Variants in SYNE1 observed in about 807,000 individuals in gnomAD.
SYNE1 encodes the protein spectrin repeat containing nuclear envelope protein 1.
SYNE1 carries 616 observed loss-of-function variants against 1,111.0 expected under a neutral mutation model. The observed-to-expected ratio is 0.55, with a 90% CI of 0.52 to 0.59. The LOEUF (loss-of-function observed/expected upper bound fraction) is 0.59. Ranked by LOEUF, SYNE1 falls within the 20% of genes least tolerant of loss-of-function variation. The pLI is 0.00. For missense variants in SYNE1, 10,006 were observed against 10,417.0 expected (o/e 0.96, Z 1.72); for synonymous variants, 3,855 against 3,825.8 (o/e 1.01, Z -0.28).
chr6:152,135,210 C>A lies in SYNE1; in HGVS notation c.25682G>T (p.Gly8561Val). 2 of 1,614,072 alleles carry A rather than the reference C, an allele frequency of 1.2e-6. No homozygotes were observed. The highest frequency in any genetic ancestry group is 1.7e-6 in the Non-Finnish European group (2 of 1,179,982). Reference protein sequence around the residue: ...QCQGFHEMSHGLLLMLENIDR... With the variant: ...QCQGFHEMSHVLLLMLENIDR... ...AATGTTCTCCAGCATAAGAAGCAAA[C>A]CATGGCTCATTTCATGGAAACCCTA... The change falls in exon 142 of 146, where the codon GGT becomes GTT. Residue 8561 changes from glycine to valine, a missense_variant. Physicochemically the swap from Gly to Val is moderately radical, Grantham distance 109. This residue lies in a region of SYNE1 where 761 missense variants were observed against 795.5 expected (regional missense o/e 0.96). Coordinates refer to ENST00000367255, the MANE Select transcript of SYNE1 (RefSeq NM_182961.4).
intron 8 of SYNE1, among the ~76,000 whole-genome samples, chr6:152,507,091 A>G (rs1395037050): frequency 6.6e-6 from 1 of 152,080 alleles, no homozygotes; most frequent in Non-Finnish European, 1.5e-5. Context: ...TACAGATATA[A>G]TTTTTTTCAG....
In SYNE1 at chr6:152,401,141, G is replaced by A; in HGVS notation, c.7026C>T (p.Val2342=). 6.2e-7 allele frequency: 1 copy of A among 1,613,872 alleles called. No individual in the cohort carries two copies. The highest frequency in any genetic ancestry group is 1.1e-5 in the South Asian group (1 of 91,060). The change falls in exon 47 of 146, where the codon GTC becomes GTT. Residue 2342 remains valine, a synonymous_variant. Transcript: ENST00000367255. ...QNETCEALKK[V]KDIQKELQSQ... ...TTAATGATAGTTTATTACCTACCTT[G>A]ACTTTTTTCAATGCTTCACAAGTCT...
At position 152,166,199 on chromosome 6, in the gene SYNE1, G is replaced by GGTA. The variant is rs543690092; in HGVS notation, c.23628-1877_23628-1875dup. The stretch of plus-strand genomic sequence containing the variant: ...TCATGCATTAATTGGTCTCCTCCAT[G>GGTA]GTAACTTCCTTGGAAAGCTGGAAAT... On this transcript the variant is annotated intron_variant, in intron 130 of 145. Transcript: ENST00000367255. 9.2e-5 allele frequency among the ~76,000 whole-genome samples: 14 copies of GGTA among 152,232 alleles called. No individual in the cohort carries two copies. The South Asian group carries it at 2.9e-3, about 32-fold the overall frequency.
chr6:152,511,484 T>C (rs1438737598), intron 6 of SYNE1: 1 of 1,242,166 alleles, frequency 8.1e-7, no homozygotes, highest in East Asian at 2.3e-5. Context: ...TGCACTTACT[T>C]TGAAGTTTGT....
intron 78 of SYNE1, 127 bp from the exon 79 acceptor site, chr6:152,326,760 AGT>A: frequency 1.2e-6 from 1 of 840,664 alleles, no homozygotes; most frequent in South Asian, 1.6e-5. Flanking sequence ...TGCATTGATA[AGT>A]TAGTGGAATA....
intron 77 of SYNE1, among the ~76,000 whole-genome samples, chr6:152,333,727 G>A (rs1374612423): frequency 6.6e-6 from 1 of 152,026 alleles, no homozygotes; most frequent in Non-Finnish European, 1.5e-5. Context: ...CCTCCTCCCA[G>A]GTTCAATTGA....
intron 3 of SYNE1, among the ~76,000 whole-genome samples, chr6:152,577,901 T>C (rs1325348272): frequency 1.3e-5 from 2 of 152,176 alleles, no homozygotes; most frequent in African/African-American, 4.8e-5. Flanking sequence ...ACTTAGAAAG[T>C]AACAACCAGA....
Position 152,350,662 on chromosome 6 carries a change from C to G in SYNE1, c.11689G>C (p.Asp3897His). The stretch of plus-strand genomic sequence containing the variant: ...TCCTGGTAATCACTTTGAAGTTGAT[C>G]TATTTTGTCCTTTAAAGTGACGTCC... ...VQDVTLKDKI[D>H]QLQSDYQDLC... The change falls in exon 71 of 146, where the codon GAT becomes CAT. Residue 3897 changes from aspartate to histidine, a missense_variant. Coordinates refer to ENST00000367255, the MANE Select transcript of SYNE1 (RefSeq NM_182961.4). The G allele has an allele frequency of 6.2e-7, 1 of 1,614,062 alleles. No homozygotes were observed. Among genetic ancestry groups the G allele is most frequent in the Non-Finnish European group, 8.5e-7 (1 of 1,180,004 alleles).
chr6:152,179,214 GA>G (rs1028982750), intron 129 of SYNE1: 70 of 151,932 alleles, frequency 4.6e-4, no homozygotes, highest in African/African-American at 1.5e-3. Flanking sequence ...GCACCCGGCC[GA>G]AATCATCAAA....
chr6:152,212,575 C>T (rs1312154023), intron 123 of SYNE1, among the ~76,000 whole-genome samples: 1 of 152,110 alleles, frequency 6.6e-6, no homozygotes, highest in Non-Finnish European at 1.5e-5. Flanking sequence ...ATGACTAATG[C>T]TCCTATAAAT....
intron 11 of SYNE1, among the ~76,000 whole-genome samples, chr6:152,496,727 T>C (rs1250816650): frequency 1.3e-5 from 2 of 152,168 alleles, no homozygotes; most frequent in Admixed American, 1.3e-4. Context: ...GTTTTGTTTT[T>C]CTTATTAATA....
At chr6:152,547,210 T>C (rs1036393391) in intron 3 of SYNE1, among the ~76,000 whole-genome samples, 27 of 152,230 alleles carry the variant, frequency 1.8e-4, no homozygotes, top group Middle Eastern at 3.2e-3. Context: ...TGGTGGTTTG[T>C]TGCACAGGAA....
chr6:152,212,647 G>A (rs2077739871), intron 123 of SYNE1, among the ~76,000 whole-genome samples: 1 of 152,052 alleles, frequency 6.6e-6, no homozygotes, highest in South Asian at 2.1e-4. Flanking sequence ...TATATACCTA[G>A]GAGTGGAATT....
intron 3 of SYNE1, among the ~76,000 whole-genome samples, chr6:152,624,960 G>T (rs1202429388): frequency 6.6e-6 from 1 of 152,022 alleles, no homozygotes; most frequent in Non-Finnish European, 1.5e-5. Flanking sequence ...TATTAGTTAT[G>T]CACAGGTCTG....
In SYNE1 at chr6:152,453,625, C is replaced by A; in HGVS notation, c.2988G>T (p.Gly996=). The A allele has an allele frequency of 6.2e-7, 1 of 1,614,210 alleles. No homozygotes were observed. Among genetic ancestry groups the A allele is most frequent in the Non-Finnish European group, 8.5e-7 (1 of 1,180,042 alleles). The change falls in exon 25 of 146, where the codon GGG becomes GGT. Residue 996 remains glycine (G), a synonymous_variant. Coordinates refer to ENST00000367255, the MANE Select transcript of SYNE1 (RefSeq NM_182961.4). ...GGAGCTTTCGAACAGCTTCCTGCAG[C>A]CCCTGCTGCTCCTGCTCTGGAAGGA... ...TDILPEQEQQ[G]LQEAVRKLHK...
At chr6:152,543,798 C>G (rs1026532226) in intron 3 of SYNE1, among the ~76,000 whole-genome samples, 1 of 152,198 alleles carries the variant, frequency 6.6e-6, no homozygotes, top group Non-Finnish European at 1.5e-5. Context: ...ACACAAAATA[C>G]TTACCATGTG....
At chr6:152,199,756 A>G (rs2075014995) in intron 127 of SYNE1, among the ~76,000 whole-genome samples, 1 of 152,190 alleles carries the variant, frequency 6.6e-6, no homozygotes, top group South Asian at 2.1e-4. Flanking sequence ...TAACTTCCCA[A>G]GCAATTTAGG....
At chr6:152,562,625 G>A (rs2099398679) in intron 3 of SYNE1, among the ~76,000 whole-genome samples, 1 of 152,142 alleles carries the variant, frequency 6.6e-6, no homozygotes, top group Admixed American at 6.6e-5. Flanking sequence ...ATTCACAACA[G>A]CTAAGATGTG....
rs754969217 is a variant in SYNE1, at chr6:152,358,422, A to G, written c.10559T>C (p.Val3520Ala). 6.2e-7 allele frequency: 1 copy of G among 1,614,162 alleles called. No individual in the cohort carries two copies. The highest frequency in any genetic ancestry group is 1.1e-5 in the South Asian group (1 of 91,084). Residue 3520 changes from valine to alanine, a missense_variant, in exon 66 of 146, where the codon GTT becomes GCT. Physicochemically the swap from Val to Ala is moderately conservative, Grantham distance 64. Transcript: ENST00000367255. ...QEQEKLDQYS[V>A]LEGDAHTHET... ...ATGAGTGTGGGCATCACCTTCAAGA[A>G]CTGAATACTGGTCGAGCTTTTCTTG...
Sources: allele counts gnomAD v4.1 joint callset (sites outside exome capture counted in the v4.1 genomes callset), GRCh38; gene constraint gnomAD v4.1.1; regional missense constraint gnomAD v4.1.1; transcripts MANE v1.5; gene names NCBI Gene and HGNC (gene_info 2026-07-23, HGNC 2026-07-21).